The following KIAA0232 variants were observed in gnomAD, a reference collection of about 807,000 sequenced individuals.
The protein encoded by KIAA0232 is KIAA0232.
Under a neutral mutation model 122.0 loss-of-function variants are expected in KIAA0232, and 27 were observed. The ratio of observed to expected loss-of-function variants is 0.22; its 90% CI spans 0.16 to 0.31. The LOEUF (loss-of-function observed/expected upper bound fraction) is 0.31, where lower values mean the gene tolerates loss of function less well. KIAA0232 is among the 10% of genes least tolerant of loss of function. The pLI, the probability that KIAA0232 is intolerant of heterozygous loss-of-function variation, is 1.00. For missense variants in KIAA0232, 1,551 were observed against 1,634.2 expected (o/e 0.95, Z 0.88); for synonymous variants, 613 against 587.6 (o/e 1.04, Z -0.63).
chr4:6,841,971 C>T, intron 3 of KIAA0232, 96 bp from the exon 4 acceptor site: 1 of 1,384,146 alleles, frequency 7.2e-7, no homozygotes. Context: ...TATGGAAATG[C>T]AAGGGGCCTT....
chr4:6,843,329 A>G (rs980561491), intron 4 of KIAA0232, among the ~76,000 whole-genome samples: 1 of 152,188 alleles, frequency 6.6e-6, no homozygotes, highest in African/African-American at 2.4e-5. Context: ...TTCCTGGACT[A>G]ATTGTTGAAT....
chr4:6,812,116 G>A (rs1487081520), intron 2 of KIAA0232, among the ~76,000 whole-genome samples: 1 of 152,110 alleles, frequency 6.6e-6, no homozygotes, highest in Non-Finnish European at 1.5e-5. Flanking sequence ...CTTTCTTCCA[G>A]GTAGTGTCTT....
intron 7 of KIAA0232, chr4:6,866,376 C>G (rs191766761): frequency 5.3e-6 from 1 of 190,472 alleles, no homozygotes; most frequent in African/African-American, 2.4e-5. Context: ...TAGATGTTGT[C>G]AGCACTGCTC....
At chr4:6,796,176 C>T (rs1008981466) in intron 1 of KIAA0232, among the ~76,000 whole-genome samples, 1 of 151,814 alleles carries the variant, frequency 6.6e-6, no homozygotes, top group Non-Finnish European at 1.5e-5. Context: ...ATTGGTTATT[C>T]GTAGAAGTGA....
intron 1 of KIAA0232, among the ~76,000 whole-genome samples, chr4:6,794,166 T>G (rs1164537685): frequency 6.6e-6 from 1 of 151,904 alleles, no homozygotes; most frequent in Admixed American, 6.6e-5. Context: ...AGAGGAAGAG[T>G]GGCTAGGAAC....
chr4:6,828,498 C>T (rs1295813741), intron 3 of KIAA0232, among the ~76,000 whole-genome samples: 1 of 152,102 alleles, frequency 6.6e-6, no homozygotes, highest in African/African-American at 2.4e-5. Flanking sequence ...CACACATTTG[C>T]TTTCTTTTAT....
rs146050261 is a variant in KIAA0232, at chr4:6,853,182, T to A, written c.370-3982T>A. On this transcript the variant is annotated intron_variant, in intron 4 of 9. Transcript: ENST00000307659. ...TTCCAAAGATAGAAGTGTGGAAGAT[T>A]TCTTAACGAGGAAGAGGTTGCTGGA... Among the ~76,000 whole-genome samples, 377 of 152,342 alleles carry A rather than the reference T, an allele frequency of 2.5e-3. 1 individual carries two copies. The highest frequency in any genetic ancestry group is 9.0e-3 in the African/African-American group (373 of 41,578).
chr4:6,836,741 G>T (rs1387229518), intron 3 of KIAA0232, among the ~76,000 whole-genome samples: 3 of 151,744 alleles, frequency 2.0e-5, no homozygotes, highest in African/African-American at 7.3e-5. Flanking sequence ...TTAGGGAGCG[G>T]TGATGACTCT....
At chr4:6,856,739 A>G (rs1720589983) in intron 4 of KIAA0232, among the ~76,000 whole-genome samples, 1 of 151,720 alleles carries the variant, frequency 6.6e-6, no homozygotes, top group African/African-American at 2.4e-5. Flanking sequence ...GAGAACTAAG[A>G]TGAGGTTTTG....
rs750608054 is a variant in KIAA0232 at position 6,861,569 on chromosome 4, A to T, written c.1187A>T (p.Tyr396Phe). The T allele has an allele frequency of 6.2e-7, 1 of 1,614,140 alleles. No individual in the cohort carries two copies. The change falls in exon 7 of 10, where the codon TAT becomes TTT. Residue 396 changes from tyrosine to phenylalanine, a missense_variant. Coordinates refer to ENST00000307659, the MANE Select transcript of KIAA0232 (RefSeq NM_014743.3). ...LYMENRKDTE[Y>F]KEEPLWYTEP... ...ATGGAGAATAGAAAGGACACAGAGT[A>T]TAAAGAGGAGCCCTTGTGGTACACC...
chr4:6,791,326 T>A, intron 1 of KIAA0232, among the ~76,000 whole-genome samples: 1 of 131,152 alleles, frequency 7.6e-6, no homozygotes, highest in African/African-American at 3.0e-5. Context: ...TTTTTTTTTT[T>A]TTTTTTTTTT....
At chr4:6,836,692 G>T (rs1449667700) in intron 3 of KIAA0232, among the ~76,000 whole-genome samples, 1 of 151,892 alleles carries the variant, frequency 6.6e-6, no homozygotes, top group East Asian at 1.9e-4. Flanking sequence ...AGAGGGCCCT[G>T]CCGCCTTCCG....
intron 4 of KIAA0232, among the ~76,000 whole-genome samples, chr4:6,850,249 C>T (rs1398475506): frequency 2.0e-5 from 3 of 152,092 alleles, no homozygotes; most frequent in Non-Finnish European, 1.5e-5. Flanking sequence ...CCCTGTGTGC[C>T]CACTGAAGTT....
chr4:6,788,182 C>A (rs147729823), intron 1 of KIAA0232, among the ~76,000 whole-genome samples: 4 of 152,114 alleles, frequency 2.6e-5, no homozygotes. Flanking sequence ...AGGCACATAA[C>A]GCCTGGCTAA....
chr4:6,836,934 C>A (rs1031109587), intron 3 of KIAA0232, among the ~76,000 whole-genome samples: 2 of 152,190 alleles, frequency 1.3e-5, no homozygotes, highest in Non-Finnish European at 2.9e-5. Context: ...ATGGAGTCTC[C>A]TGTCTATTTC....
intron 1 of KIAA0232, among the ~76,000 whole-genome samples, chr4:6,793,583 T>A (rs952040364): frequency 1.3e-5 from 2 of 152,214 alleles, no homozygotes; most frequent in Non-Finnish European, 2.9e-5. Context: ...TAAAGTTTAT[T>A]CATCAGTCAG....
chr4:6,822,111 G>C (rs1171280076), intron 2 of KIAA0232, among the ~76,000 whole-genome samples: 1 of 152,042 alleles, frequency 6.6e-6, no homozygotes, highest in East Asian at 1.9e-4. Context: ...AATTGAGTGT[G>C]TTATTTAATT....
At chr4:6,811,497 C>T (rs762818093) in intron 2 of KIAA0232, among the ~76,000 whole-genome samples, 1 of 152,174 alleles carries the variant, frequency 6.6e-6, no homozygotes, top group Non-Finnish European at 1.5e-5. Flanking sequence ...GGCTGGAGTG[C>T]TTTGGCATGA....
intron 1 of KIAA0232, among the ~76,000 whole-genome samples, chr4:6,785,509 G>C (rs960636983): frequency 6.6e-6 from 1 of 152,168 alleles, no homozygotes; most frequent in East Asian, 1.9e-4. Flanking sequence ...ATCACTTGAG[G>C]GAAGACGTGA....
Sources: allele counts gnomAD v4.1 joint callset (sites outside exome capture counted in the v4.1 genomes callset), GRCh38; gene constraint gnomAD v4.1.1; transcripts MANE v1.5; gene names NCBI Gene and HGNC (gene_info 2026-07-23, HGNC 2026-07-21).